The following PRKG1 variants were observed in gnomAD, a reference collection of about 807,000 sequenced individuals.
The protein encoded by PRKG1 is cGMP-dependent protein kinase 1.
In PRKG1, 35 loss-of-function variants were observed where a neutral mutation model predicts 88.1. That is an observed-to-expected ratio of 0.40 (90% confidence interval 0.30 to 0.53). The LOEUF (loss-of-function observed/expected upper bound fraction) is 0.53, where lower values mean the gene tolerates loss of function less well. Ranked by LOEUF, PRKG1 falls within the 20% of genes least tolerant of loss-of-function variation. The pLI, the probability that PRKG1 is intolerant of heterozygous loss-of-function variation, is 0.59. For missense variants in PRKG1, 540 were observed against 839.8 expected, an observed-to-expected ratio of 0.64 and a Z score of 4.41; for synonymous variants, 303 against 292.5, an observed-to-expected ratio of 1.04 and a Z score of -0.37.
At chr10:51,362,831 A>C (rs1039975029) in intron 2 of PRKG1, among the ~76,000 whole-genome samples, 3 of 151,406 alleles carry the variant, frequency 2.0e-5, no homozygotes, top group Non-Finnish European at 4.4e-5. Flanking sequence ...CCCTGTGTCC[A>C]TGTGTTCTCA....
chr10:52,126,096 A>T (rs1029303196), intron 7 of PRKG1: 3 of 152,064 alleles, frequency 2.0e-5, no homozygotes, highest in African/African-American at 7.2e-5. Context: ...TTTCCATTTA[A>T]TATTTTTGGA....
chr10:51,867,087 A>G (rs1365525393), intron 4 of PRKG1, among the ~76,000 whole-genome samples: 1 of 152,158 alleles, frequency 6.6e-6, no homozygotes, highest in Non-Finnish European at 1.5e-5. Flanking sequence ...CTTGTGTTCA[A>G]TGTTTAATTC....
intron 1 of PRKG1, among the ~76,000 whole-genome samples, chr10:51,136,467 A>G (rs1309038091): frequency 1.3e-5 from 2 of 151,874 alleles, no homozygotes; most frequent in Non-Finnish European, 2.9e-5. Context: ...AAAAGATTTT[A>G]AAAAGTTTAG....
At chr10:52,127,657 T>C (rs1847960854) in intron 7 of PRKG1, among the ~76,000 whole-genome samples, 3 of 152,174 alleles carry the variant, frequency 2.0e-5, no homozygotes, top group South Asian at 4.1e-4. Context: ...CTTCCCCATG[T>C]CAGAGGGTCC....
At chr10:51,986,763 C>G (rs142212579) in intron 5 of PRKG1, among the ~76,000 whole-genome samples, 1 of 152,092 alleles carries the variant, frequency 6.6e-6, no homozygotes, top group Non-Finnish European at 1.5e-5. Flanking sequence ...GCTTAGAGCT[C>G]GTATGAGATA....
chr10:51,236,921 G>A (rs1446545967), intron 2 of PRKG1, among the ~76,000 whole-genome samples: 1 of 152,166 alleles, frequency 6.6e-6, no homozygotes, highest in East Asian at 1.9e-4. Flanking sequence ...CTTTATCCCA[G>A]TAGAGTTCTG....
At position 51,390,115 on chromosome 10, in the gene PRKG1, T is replaced by C. The variant is rs190961820; in HGVS notation, c.479-77608T>C. ...TGAATTAAAATGTTTCAAAACTCCA[T>C]ACACACTTCAGTTGATAGTACAGCA... On this transcript the variant is annotated intron_variant, in intron 2 of 17. Coordinates refer to ENST00000373980, the MANE Select transcript of PRKG1 (RefSeq NM_006258.4). Among the ~76,000 whole-genome samples, 240 of 152,308 alleles carry C rather than the reference T, an allele frequency of 1.6e-3. 1 individual carries two copies. The highest frequency in any genetic ancestry group is 5.6e-3 in the African/African-American group (234 of 41,568).
intron 1 of PRKG1, among the ~76,000 whole-genome samples, chr10:51,065,095 C>T (rs994466292): frequency 1.3e-5 from 2 of 151,860 alleles, no homozygotes; most frequent in Admixed American, 6.6e-5. Flanking sequence ...CATCTGCTTT[C>T]GAAATAATGT....
chr10:51,844,932 C>A (rs1840363125), intron 4 of PRKG1, among the ~76,000 whole-genome samples: 1 of 152,060 alleles, frequency 6.6e-6, no homozygotes, highest in Admixed American at 6.6e-5. Flanking sequence ...ACTCCAAATT[C>A]TTTTGATGAG....
At chr10:51,059,067 AC>A (rs1317576550) in intron 1 of PRKG1, among the ~76,000 whole-genome samples, 1 of 152,144 alleles carries the variant, frequency 6.6e-6, no homozygotes, top group Non-Finnish European at 1.5e-5. Flanking sequence ...TACATTTTTA[AC>A]CTTTAACATA....
intron 1 of PRKG1, among the ~76,000 whole-genome samples, chr10:51,005,688 C>T (rs1479947834): frequency 6.6e-6 from 1 of 152,136 alleles, no homozygotes; most frequent in Admixed American, 6.5e-5. Flanking sequence ...AAACGAAACA[C>T]TGTGATGAAT....
Position 51,923,973 on chromosome 10 carries a change from G to A in PRKG1, c.762+16403G>A, listed in dbSNP as rs184582854. On this transcript the variant is annotated intron_variant, in intron 5 of 17. Coordinates refer to ENST00000373980, the MANE Select transcript of PRKG1 (RefSeq NM_006258.4). ...TCTCTTGAGTAGCTGGACCACAGGT[G>A]TGCACCATCACACCCAGCTAATTTT... is the stretch of plus-strand genomic sequence containing the variant. Among the ~76,000 whole-genome samples the A allele has an allele frequency of 1.0e-3, 155 of 151,858 alleles. 1 individual carries two copies. Among genetic ancestry groups the A allele is most frequent in the South Asian group, 4.4e-3 (21 of 4,808 alleles).
chr10:51,123,216 G>T (rs547579498), intron 1 of PRKG1, among the ~76,000 whole-genome samples: 11 of 152,244 alleles, frequency 7.2e-5, no homozygotes, highest in African/African-American at 2.4e-4. Context: ...GAAGTCAGAT[G>T]ATTGCATAAA....
intron 2 of PRKG1, among the ~76,000 whole-genome samples, chr10:51,295,752 C>A (rs1243620595): frequency 6.6e-6 from 1 of 152,012 alleles, no homozygotes; most frequent in African/African-American, 2.4e-5. Flanking sequence ...ATATCTTATA[C>A]CAGAAATTAA....
At chr10:52,205,211 C>T (rs1223840148) in intron 9 of PRKG1, among the ~76,000 whole-genome samples, 1 of 152,142 alleles carries the variant, frequency 6.6e-6, no homozygotes, top group Non-Finnish European at 1.5e-5. Flanking sequence ...ATTCTAGTTT[C>T]TCCCTGACCT....
At chr10:51,247,126 G>C (rs547698788) in intron 2 of PRKG1, among the ~76,000 whole-genome samples, 6 of 152,074 alleles carry the variant, frequency 3.9e-5, no homozygotes, top group African/African-American at 1.2e-4. Context: ...TGGCTGGTAA[G>C]ACTGTGAAAG....
chr10:52,126,633 G>T (rs141092697), intron 7 of PRKG1, among the ~76,000 whole-genome samples: 1 of 152,004 alleles, frequency 6.6e-6, no homozygotes, highest in Admixed American at 6.6e-5. Flanking sequence ...AGTGTGTGCC[G>T]CCAAACACAG....
At position 52,251,497 on chromosome 10, in the gene PRKG1, C is replaced by G. The variant is rs534085042; in HGVS notation, c.1077-73C>G. 3.6e-5 allele frequency: 41 copies of G among 1,135,838 alleles called. 1 individual carries two copies. In the South Asian group the frequency reaches 5.0e-4, roughly 14 times the overall value. The allele number at this position is 1,135,838 out of a possible 1,614,324, so 70.4% of individuals were successfully genotyped here. A position where few individuals can be genotyped will look rare whatever the true frequency, so the allele number is the denominator to read the frequency against. On this transcript the variant is annotated intron_variant, in intron 9 of 17. Coordinates refer to ENST00000373980, the MANE Select transcript of PRKG1 (RefSeq NM_006258.4). ...AACCCTGTTCCACAGTCATGTCATTCTGGTACAGATGTACGTGGTACTCGT... is the reference window on the plus strand; with the variant it reads ...AACCCTGTTCCACAGTCATGTCATTGTGGTACAGATGTACGTGGTACTCGT...
intron 9 of PRKG1, among the ~76,000 whole-genome samples, chr10:52,215,930 T>A (rs1201206084): frequency 6.6e-6 from 1 of 152,174 alleles, no homozygotes; most frequent in East Asian, 1.9e-4. Flanking sequence ...AACATTGTAC[T>A]TTTGTGCCCT....
Sources: gnomAD v4.1 joint callset for allele counts (sites outside exome capture counted in the v4.1 genomes callset) on GRCh38, gnomAD v4.1.1 for gene constraint, MANE v1.5 for transcripts, NCBI Gene and HGNC (gene_info 2026-07-23, HGNC 2026-07-21) for gene names.